Variants in MTR observed in about 807,000 individuals in gnomAD.
MTR encodes the protein methionine synthase.
In MTR, 84 loss-of-function variants were observed where a neutral mutation model predicts 154.8. The ratio of observed to expected loss-of-function variants is 0.54; its 90% CI spans 0.45 to 0.65. The LOEUF is 0.65. Among genes scored for constraint, MTR ranks in the 30% least tolerant of loss-of-function variants. The pLI is 0.00. For missense variants in MTR, 1,275 were observed against 1,570.2 expected (o/e 0.81, Z 3.18); for synonymous variants, 554 against 553.9 (o/e 1.00, Z 0.00).
chr1:236,797,018 TA>T (rs58684060), intron 1 of MTR, among the ~76,000 whole-genome samples: 11,261 of 146,760 alleles, frequency 0.077, 849 homozygotes, highest in African/African-American at 0.2. Flanking sequence ...GTGAGTGATT[TA>T]AAAAAAAAAA....
At chr1:236,796,853 G>A (rs1286815968) in intron 1 of MTR, among the ~76,000 whole-genome samples, 1 of 151,736 alleles carries the variant, frequency 6.6e-6, no homozygotes, top group African/African-American at 2.4e-5. Context: ...TGATCATAGG[G>A]AGATCATATT....
chr1:236,839,072 T>C (rs1663078875), intron 15 of MTR, among the ~76,000 whole-genome samples: 1 of 152,262 alleles, frequency 6.6e-6, no homozygotes, highest in African/African-American at 2.4e-5. Flanking sequence ...GTTTATATGA[T>C]CCATCATTGA....
rs772610612 is a variant in MTR at position 236,894,475 on chromosome 1, A to G, written c.3323A>G (p.Glu1108Gly). The change falls in exon 30 of 33, where the codon GAA becomes GGA. Residue 1108 changes from glutamate to glycine, a missense_variant. Coordinates refer to ENST00000366577, the MANE Select transcript of MTR (RefSeq NM_000254.3). ...TTTGCCGTTGCCTGCTTTGGGGTAG[A>G]AGAGCTGAGCAAGGCCTATGAGGAT... Reference protein sequence around the residue: ...GLFAVACFGVEELSKAYEDDG... With the variant: ...GLFAVACFGVGELSKAYEDDG... 1.9e-6 allele frequency: 3 copies of G among 1,613,966 alleles called. No homozygotes were observed. In the East Asian group the frequency reaches 6.7e-5, roughly 36 times the overall value.
intron 8 of MTR, among the ~76,000 whole-genome samples, chr1:236,818,499 C>T (rs1661731828): frequency 6.6e-6 from 1 of 152,168 alleles, no homozygotes; most frequent in Non-Finnish European, 1.5e-5. Flanking sequence ...ATTTCTTAAG[C>T]AAACATTCAG....
intron 15 of MTR, among the ~76,000 whole-genome samples, chr1:236,843,891 C>A (rs758120429): frequency 6.6e-5 from 10 of 152,082 alleles, no homozygotes; most frequent in Admixed American, 2.6e-4. Flanking sequence ...GTGGGTATGT[C>A]GAGTGTGCAG....
intron 22 of MTR, among the ~76,000 whole-genome samples, chr1:236,869,606 G>T (rs1218787437): frequency 6.6e-6 from 1 of 152,188 alleles, no homozygotes. Flanking sequence ...TGTGTATAGG[G>T]AGAGGCTTAC....
chr1:236,877,581 G>GT (rs1428152804), intron 24 of MTR, among the ~76,000 whole-genome samples: 22 of 151,730 alleles, frequency 1.4e-4, no homozygotes, highest in African/African-American at 3.6e-4. Context: ...TTTTTTGTTG[G>GT]TTTTTTTTCA....
chr1:236,886,724 C>G (rs1288037343), intron 27 of MTR, among the ~76,000 whole-genome samples: 2 of 152,206 alleles, frequency 1.3e-5, no homozygotes, highest in Non-Finnish European at 2.9e-5. Context: ...AAGCCATGCT[C>G]TTTCCTCTGT....
At chr1:236,894,226 A>G in intron 29 of MTR, 131 bp from the exon 30 acceptor site, 1 of 817,764 alleles carries the variant, frequency 1.2e-6, no homozygotes, top group Non-Finnish European at 2.1e-6. Flanking sequence ...AACAGTGCAC[A>G]ATACAGGCTG....
intron 29 of MTR, 143 bp downstream of exon 29, chr1:236,891,472 C>G (rs989477452): frequency 2.3e-6 from 2 of 866,106 alleles, no homozygotes; most frequent in African/African-American, 1.7e-5. Flanking sequence ...CAGTCACACG[C>G]CCAAGCCCAA....
chr1:236,880,412 T>G (rs1249960479), intron 24 of MTR, among the ~76,000 whole-genome samples: 1 of 152,090 alleles, frequency 6.6e-6, no homozygotes, highest in Non-Finnish European at 1.5e-5. Context: ...AACCTGACCT[T>G]GATGACAGCA....
At chr1:236,857,634 G>C (rs1367285125) in intron 18 of MTR, among the ~76,000 whole-genome samples, 1 of 152,186 alleles carries the variant, frequency 6.6e-6, no homozygotes, top group Non-Finnish European at 1.5e-5. Flanking sequence ...CCATTCATTT[G>C]ACTGAACTTA....
At chr1:236,860,537 G>C (rs369416668) in intron 19 of MTR, among the ~76,000 whole-genome samples, 1 of 152,026 alleles carries the variant, frequency 6.6e-6, no homozygotes, top group Non-Finnish European at 1.5e-5. Flanking sequence ...AGTGGGGCTT[G>C]TCATTGAAGG....
chr1:236,877,099 G>A (rs1665476902), intron 24 of MTR, among the ~76,000 whole-genome samples: 1 of 152,136 alleles, frequency 6.6e-6, no homozygotes, highest in African/African-American at 2.4e-5. Flanking sequence ...CTACACTGTG[G>A]TGCTGGAACA....
At chr1:236,839,235 CA>C (rs766222074) in intron 15 of MTR, among the ~76,000 whole-genome samples, 1 of 152,110 alleles carries the variant, frequency 6.6e-6, no homozygotes, top group African/African-American at 2.4e-5. Flanking sequence ...TTCCCATTTC[CA>C]ACCATATACT....
At chr1:236,891,591 A>G (rs1242351809) in intron 29 of MTR, among the ~76,000 whole-genome samples, 1 of 151,972 alleles carries the variant, frequency 6.6e-6, no homozygotes, top group Admixed American at 6.6e-5. Flanking sequence ...GGCGAGGACC[A>G]TTGCTGCTGT....
intron 30 of MTR, 54 bp from the exon 31 acceptor site, chr1:236,895,304 G>C: frequency 6.5e-7 from 1 of 1,544,908 alleles, no homozygotes; most frequent in South Asian, 1.2e-5. Context: ...AGGCTGCACT[G>C]ATGCTGTGAG....
chr1:236,804,757 A>C (rs1267890676), intron 2 of MTR, among the ~76,000 whole-genome samples: 2 of 152,070 alleles, frequency 1.3e-5, no homozygotes, highest in Admixed American at 1.3e-4. Flanking sequence ...ATAACCACTG[A>C]TATTAGTTGG....
chr1:236,876,288 G>A (rs899162165), intron 24 of MTR, among the ~76,000 whole-genome samples: 1 of 152,180 alleles, frequency 6.6e-6, no homozygotes, highest in Admixed American at 6.5e-5. Flanking sequence ...ATACTTGAAG[G>A]ATTCGATAGT....
Sources: gnomAD v4.1 joint callset for allele counts (sites outside exome capture counted in the v4.1 genomes callset) on GRCh38, gnomAD v4.1.1 for gene constraint, MANE v1.5 for transcripts, NCBI Gene and HGNC (gene_info 2026-07-23, HGNC 2026-07-21) for gene names.